Variants in PCARE observed in about 807,000 individuals in gnomAD.
PCARE encodes uncharacterized protein C2orf71.
In PCARE, 72 loss-of-function variants were observed where a neutral mutation model predicts 82.2. The ratio of observed to expected loss-of-function variants is 0.88; its 90% confidence interval spans 0.72 to 1.07. The LOEUF (loss-of-function observed/expected upper bound fraction) is 1.07, where lower values mean the gene tolerates loss of function less well. Ranked by LOEUF, PCARE falls within the 50% of genes least tolerant of loss-of-function variation. The probability of loss-of-function intolerance (pLI) is 0.00; values close to 1 mark genes in which losing one functional copy is unlikely to be tolerated. For missense variants in PCARE, 1,768 were observed against 1,592.4 expected (o/e 1.11, Z -1.88); for synonymous variants, 705 against 634.8 (o/e 1.11, Z -1.66).
At chr2:29,067,571 G>A (rs1558486157) in intron 1 of PCARE, among the ~76,000 whole-genome samples, 1 of 152,058 alleles carries the variant, frequency 6.6e-6, no homozygotes, top group Non-Finnish European at 1.5e-5. Context: ...TCTAGATGAG[G>A]TCTCACTCTG....
Position 29,073,694 on chromosome 2 carries a change from A to AAGCCTGCT in PCARE, c.567_568insAGCAGGCT (p.Tyr190SerfsTer69), listed in dbSNP as rs773719855. 6.2e-7 allele frequency: 1 copy of AAGCCTGCT among 1,612,488 alleles called. No individual in the cohort carries two copies. The highest frequency in any genetic ancestry group is 2.2e-5 in the East Asian group (1 of 44,750). Reference sequence around the variant, plus strand: ...TATTTGGAGAGGCTGGAGTGTAGATAGGTGTAAGCCTGCTGGTGGGCCTTT... The same window carrying AAGCCTGCT: ...TATTTGGAGAGGCTGGAGTGTAGATAAGCCTGCTGGTGTAAGCCTGCTGGTGGGCCTTT... On this transcript the variant is annotated frameshift_variant, in exon 1 of 2. Coordinates refer to ENST00000331664, the MANE Select transcript of PCARE (RefSeq NM_001029883.3). LOFTEE classifies it high-confidence loss of function.
chr2:29,070,614 T>C lies in PCARE; in HGVS notation c.3648A>G (p.Glu1216=), dbSNP rs1260628328. ...PTLDPTSTSY[E]SQLGQNSSSE... is the part of the protein sequence containing the mutation. ...CTTACCTGTTCTGGCCGAGCTGGGA[T>C]TCATAAGAGGTGCTGGTGGGGTCCA... is the stretch of plus-strand genomic sequence containing the variant. Residue 1216 remains glutamate (E), a synonymous_variant, in exon 1 of 2, where the codon GAA becomes GAG. Coordinates refer to ENST00000331664, the MANE Select transcript of PCARE (RefSeq NM_001029883.3). The C allele has an allele frequency of 6.2e-7, 1 of 1,613,840 alleles. No homozygotes were observed. Among genetic ancestry groups the C allele is most frequent in the East Asian group, 2.2e-5 (1 of 44,892 alleles).
chr2:29,066,735 A>T (rs541824580), intron 1 of PCARE, among the ~76,000 whole-genome samples: 1 of 152,366 alleles, frequency 6.6e-6, no homozygotes, highest in Non-Finnish European at 1.5e-5. Context: ...GCCCCATCAC[A>T]GGTCCCTACA....
In PCARE at chr2:29,071,732, C is replaced by G. The variant is rs370203821; in HGVS notation, c.2530G>C (p.Ala844Pro). 6.1e-5 allele frequency: 98 copies of G among 1,613,782 alleles called. No individual in the cohort carries two copies. In the Middle Eastern group the frequency reaches 9.9e-4, roughly 16 times the overall value. ...PMEVLMDKSF[A>P]SLESPESSKS... is the part of the protein sequence containing the mutation. ...CTGCTTTCTGGGGACTCCAGAGAAG[C>G]GAATGATTTGTCCATCAGAACTTCC... is the stretch of plus-strand genomic sequence containing the variant. Residue 844 changes from alanine (A) to proline (P), a missense_variant, in exon 1 of 2, where the codon GCT (alanine) becomes CCT (proline). Ala to Pro is a conservative substitution (Grantham distance 27). Coordinates refer to ENST00000331664, the MANE Select transcript of PCARE (RefSeq NM_001029883.3).
Position 29,071,775 on chromosome 2 carries a change from G to T in PCARE, c.2487C>A (p.His829Gln). 1 of 1,613,546 alleles carries T rather than the reference G, an allele frequency of 6.2e-7. No individual in the cohort carries two copies. Among genetic ancestry groups the T allele is most frequent in the Non-Finnish European group, 8.5e-7 (1 of 1,179,552 alleles). Residue 829 changes from histidine to glutamine, a missense_variant, in exon 1 of 2, where the codon CAC (histidine) becomes CAA (glutamine). Coordinates refer to ENST00000331664, the MANE Select transcript of PCARE (RefSeq NM_001029883.3). ...GAACTTCCATAGGCGGTGGAGGGAG[G>T]TGCTCGAGGTTCCCCTCCATTTCAC... ...LSCEMEGNLEHLPPPPMEVLM... is the reference protein window; with the variant it reads ...LSCEMEGNLEQLPPPPMEVLM...
Position 29,065,032 on chromosome 2 carries a change from G to A in PCARE, c.3704C>T (p.Pro1235Leu), listed in dbSNP as rs201933656. 1.7e-4 allele frequency: 259 copies of A among 1,553,808 alleles called. No individual in the cohort carries two copies. Among genetic ancestry groups the A allele is most frequent in the East Asian group, 1.4e-3 (57 of 40,988 alleles). ...TTCAGGGGAACAGGGGCTGCTCCCC[G>A]GCTCTGTGTCCTTCTTAGGGCTCTC... Reference protein sequence around the residue: ...SEESPKKDTEPGSSPCSPELQ... With the variant: ...SEESPKKDTELGSSPCSPELQ... Residue 1235 changes from proline to leucine, a missense_variant, in exon 2 of 2, where the codon CCG becomes CTG. By Grantham distance (98) the Pro-to-Leu change is moderately conservative. Transcript: ENST00000331664.
Position 29,071,556 on chromosome 2 carries a change from C to T in PCARE, c.2706G>A (p.Lys902=). 1 of 1,610,500 alleles carries T rather than the reference C, an allele frequency of 6.2e-7. No individual in the cohort carries two copies. The highest frequency in any genetic ancestry group is 8.5e-7 in the Non-Finnish European group (1 of 1,180,014). The part of the protein sequence containing the change: ...LPSKSTASLT[K]PHSTGPGSGR... Reference sequence around the variant, plus strand: ...CACTCCCTGGCCCTGTGCTGTGAGGCTTGGTCAGGCTGGCGGTGCTCTTGC... The same window carrying T: ...CACTCCCTGGCCCTGTGCTGTGAGGTTTGGTCAGGCTGGCGGTGCTCTTGC... The change falls in exon 1 of 2, where the codon AAG becomes AAA. Residue 902 remains lysine (K), a synonymous_variant. Coordinates refer to ENST00000331664, the MANE Select transcript of PCARE (RefSeq NM_001029883.3).
chr2:29,064,997 C>T lies in PCARE; in HGVS notation c.3739G>A (p.Gly1247Ser), dbSNP rs187333111. 10,992 of 1,573,766 alleles carry T rather than the reference C, an allele frequency of 7.0e-3. 97 individuals are homozygous for T. The highest frequency in any genetic ancestry group is 0.033 in the South Asian group (2,819 of 86,156). ...SSPCSPELQG[G>S]TRRASPPEFC... ...TCTGGGGGAGATGCACGCCTGGTGC[C>T]GCCCTGCAGTTCAGGGGAACAGGGG... The change falls in exon 2 of 2, where the codon GGC becomes AGC. Residue 1247 changes from glycine (G) to serine (S), a missense_variant. Coordinates refer to ENST00000331664, the MANE Select transcript of PCARE (RefSeq NM_001029883.3).
In PCARE at chr2:29,071,270, T is replaced by G. The variant is rs756494415; in HGVS notation, c.2992A>C (p.Arg998=). The change falls in exon 1 of 2, where the codon AGG becomes CGG. Residue 998 remains arginine, a synonymous_variant. Coordinates refer to ENST00000331664, the MANE Select transcript of PCARE (RefSeq NM_001029883.3). ...PPVGRKASPT[R]THWVPQADKR... ...TCTGCTTGAGGCACCCAGTGTGTCC[T>G]CGTGGGAGAGGCCTTTCTGCCCACA... 4 of 1,613,432 alleles carry G rather than the reference T, an allele frequency of 2.5e-6. No homozygotes were observed. Among genetic ancestry groups the G allele is most frequent in the Non-Finnish European group, 3.4e-6 (4 of 1,179,926 alleles).
rs78792039 is a variant in PCARE, at chr2:29,071,665, C to T, written c.2597G>A (p.Gly866Glu). 138 of 1,614,028 alleles carry T rather than the reference C, an allele frequency of 8.6e-5. No individual in the cohort carries two copies. The highest frequency in any genetic ancestry group is 1.1e-4 in the Non-Finnish European group (131 of 1,179,938). Residue 866 changes from glycine (G) to glutamate (E), a missense_variant, in exon 1 of 2, where the codon GGG becomes GAG. Transcript: ENST00000331664. ...ENSPKETQEP[G>E]PGEAGPTRRT... ...CCTGGTGGGGCCAGCCTCTCCCGGC[C>T]CTGGCTCCTGGGTTTCCTTGGGGGA...
rs755160338 is a variant in PCARE at position 29,072,553 on chromosome 2, CCCT to C, written c.1706_1708del (p.Glu569del). On this transcript the variant is annotated inframe_deletion, in exon 1 of 2. Coordinates refer to ENST00000331664, the MANE Select transcript of PCARE (RefSeq NM_001029883.3). ...AGGTCTTGGGGGGACCACTGTCCTC[CCCT>C]CCTCCTCCTCAGACCAGTCCTGGTG... 19 of 1,614,034 alleles carry C rather than the reference CCCT, an allele frequency of 1.2e-5. No homozygotes were observed. The highest frequency in any genetic ancestry group is 7.7e-5 in the South Asian group (7 of 91,078).
chr2:29,065,139 T>C, intron 1 of PCARE, 72 bp from the exon 2 acceptor site: 1 of 1,486,384 alleles, frequency 6.7e-7, no homozygotes, highest in Non-Finnish European at 9.1e-7. Context: ...ACCCCTGTCC[T>C]CCATTCTCCC....
At position 29,073,517 on chromosome 2, in the gene PCARE, C is replaced by G. The variant is rs1320704123; in HGVS notation, c.745G>C (p.Glu249Gln). ...TTCTTCAAAGGCCAAGCCAGATCCT[C>G]CCTGACTTCCTGCAGGAGCACTTCT... is the stretch of plus-strand genomic sequence containing the variant. Reference protein sequence around the residue: ...DGEVLLQEVREDLAWPLKKRE... With the variant: ...DGEVLLQEVRQDLAWPLKKRE... Residue 249 changes from glutamate (E) to glutamine (Q), a missense_variant, in exon 1 of 2, where the codon GAG becomes CAG. By Grantham distance (29) the Glu-to-Gln change is conservative (BLOSUM62 2). Transcript: ENST00000331664. The G allele has an allele frequency of 1.2e-6, 2 of 1,614,066 alleles. No individual in the cohort carries two copies. The highest frequency in any genetic ancestry group is 1.7e-6 in the Non-Finnish European group (2 of 1,180,036).
chr2:29,072,294 C>T lies in PCARE; in HGVS notation c.1968G>A (p.Arg656=), dbSNP rs201980758. The T allele has an allele frequency of 6.2e-7, 1 of 1,614,220 alleles. No homozygotes were observed. The highest frequency in any genetic ancestry group is 8.5e-7 in the Non-Finnish European group (1 of 1,180,036). Residue 656 remains arginine, a synonymous_variant, in exon 1 of 2, where the codon AGG becomes AGA. Transcript: ENST00000331664. ...TGCTGGTGGTGTTGCTTGGACTGAC[C>T]CTGCAGGTGCCATTGGGCCACACGG... The part of the protein sequence containing the change: ...AAAVWPNGTC[R]VSPSNTTSRL...
chr2:29,073,860 A>C lies in PCARE; in HGVS notation c.402T>G (p.Ser134Arg), dbSNP rs1667541157. 1.9e-6 allele frequency: 3 copies of C among 1,613,896 alleles called. No homozygotes were observed. The highest frequency in any genetic ancestry group is 2.5e-6 in the Non-Finnish European group (3 of 1,179,954). Residue 134 changes from serine (S) to arginine (R), a missense_variant, in exon 1 of 2, where the codon AGT becomes AGG. Ser to Arg is a moderately radical substitution (Grantham distance 110, BLOSUM62 -1). Coordinates refer to ENST00000331664, the MANE Select transcript of PCARE (RefSeq NM_001029883.3). ...SQGADFSGDESEESSTQDTSK... is the reference protein window; with the variant it reads ...SQGADFSGDEREESSTQDTSK... The stretch of plus-strand genomic sequence containing the variant: ...AAGTATCTTGGGTACTACTTTCCTC[A>C]CTCTCATCTCCAGAAAAGTCTGCCC...
chr2:29,072,676 G>C lies in PCARE; in HGVS notation c.1586C>G (p.Thr529Ser). 1.9e-6 allele frequency: 3 copies of C among 1,614,074 alleles called. No homozygotes were observed. Among genetic ancestry groups the C allele is most frequent in the Non-Finnish European group, 2.5e-6 (3 of 1,180,026 alleles). Reference protein sequence around the residue: ...ADRESPFQARTRRLRSLQAQE... With the variant: ...ADRESPFQARSRRLRSLQAQE... ...GGCCTGGAGGCTCCTAAGCCTCCTG[G>C]TGCGGGCCTGAAATGGGCTTTCCCG... is the stretch of plus-strand genomic sequence containing the variant. The change falls in exon 1 of 2, where the codon ACC (threonine) becomes AGC (serine). Residue 529 changes from threonine (T) to serine (S), a missense_variant. Transcript: ENST00000331664.
At position 29,063,661 on chromosome 2, in the gene PCARE, T is replaced by C. The variant is rs1166453784; in HGVS notation, c.*1208A>G. The stretch of plus-strand genomic sequence containing the variant: ...AGAATTCTTGTCTTTTGCCAACCCA[T>C]TGAGCCGGCATTGAATCACTCAATT... On this transcript the variant is annotated 3_prime_UTR_variant, in exon 2 of 2. Coordinates refer to ENST00000331664, the MANE Select transcript of PCARE (RefSeq NM_001029883.3). 1 of 152,664 alleles carries C rather than the reference T, an allele frequency of 6.6e-6. No homozygotes were observed. Among genetic ancestry groups the C allele is most frequent in the Non-Finnish European group, 1.5e-5 (1 of 68,050 alleles). 9.5% of individuals were successfully genotyped at this position (152,664 alleles called of 1,614,324 possible).
In PCARE at chr2:29,072,519, T is replaced by G. The variant is rs779396173; in HGVS notation, c.1743A>C (p.Val581=). 2 of 1,614,082 alleles carry G rather than the reference T, an allele frequency of 1.2e-6. No individual in the cohort carries two copies. The highest frequency in any genetic ancestry group is 3.3e-5 in the Admixed American group (2 of 60,012). ...TCTCAGGGGCCCTCCTGCTGCCACT[T>G]ACCGTGCTAGGTCTTGGGGGGACCA... ...RTVVPPRPST[V]SGSRRAPERQ... The change falls in exon 1 of 2, where the codon GTA becomes GTC. Residue 581 remains valine, a synonymous_variant. Coordinates refer to ENST00000331664, the MANE Select transcript of PCARE (RefSeq NM_001029883.3).
rs1667544896 is a variant in PCARE at position 29,074,011 on chromosome 2, C to A, written c.251G>T (p.Gly84Val). 1.2e-5 allele frequency: 19 copies of A among 1,614,156 alleles called. No individual in the cohort carries two copies. The highest frequency in any genetic ancestry group is 1.6e-5 in the Non-Finnish European group (19 of 1,180,022). Reference protein sequence around the residue: ...LCQLMGDPASGKRKDMEGLIP... With the variant: ...LCQLMGDPASVKRKDMEGLIP... ...CAGTCCTTCCATATCTTTCCTTTTG[C>A]CTGAAGCAGGATCTCCCATGAGCTG... The change falls in exon 1 of 2, where the codon GGC becomes GTC. Residue 84 changes from glycine to valine, a missense_variant. Transcript: ENST00000331664.
Sources: allele counts gnomAD v4.1 joint callset (sites outside exome capture counted in the v4.1 genomes callset), GRCh38; gene constraint gnomAD v4.1.1; transcripts MANE v1.5; gene names NCBI Gene and HGNC (gene_info 2026-07-23, HGNC 2026-07-21).